SREBF2: variants seen among roughly 807,000 people sequenced by gnomAD.
SREBF2 encodes the protein sterol regulatory element binding transcription factor 2.
A neutral mutation model predicts 113.1 loss-of-function variants in SREBF2; 55 were observed. The observed-to-expected ratio is 0.49, with a 90% confidence interval of 0.39 to 0.61. SREBF2 has a LOEUF of 0.61. Ranked by LOEUF, SREBF2 falls within the 20% of genes least tolerant of loss-of-function variation. SREBF2 has a pLI of 0.00. For missense variants in SREBF2, 1,349 were observed against 1,487.4 expected (o/e 0.91, Z 1.53); for synonymous variants, 593 against 605.7 (o/e 0.98, Z 0.31).
chr22:41,870,906 G>T lies in SREBF2; in HGVS notation c.738G>T (p.Gln246His). 6.2e-7 allele frequency: 1 copy of T among 1,614,124 alleles called. No individual in the cohort carries two copies. Among genetic ancestry groups the T allele is most frequent in the African/African-American group, 1.3e-5 (1 of 75,010 alleles). ...TCATCCAGGTCCTGGTCCAGCCTCA[G>T]ATCATCAAGACAGATTCCCTTGTTT... is the stretch of plus-strand genomic sequence containing the variant. ...VQQVPVLVQPQIIKTDSLVLT... is the reference protein window; with the variant it reads ...VQQVPVLVQPHIIKTDSLVLT... The change falls in exon 4 of 19, where the codon CAG (glutamine) becomes CAT (histidine). Residue 246 changes from glutamine (Q) to histidine (H), a missense_variant. By Grantham distance (24) the Gln-to-His change is conservative (BLOSUM62 0). This residue lies in a region of SREBF2 where 699 missense variants were observed against 843.3 expected (regional missense o/e 0.83). Coordinates refer to ENST00000361204, the MANE Select transcript of SREBF2 (RefSeq NM_004599.4).
chr22:41,867,409 G>A, intron 2 of SREBF2, 129 bp downstream of exon 2: 1 of 1,034,628 alleles, frequency 9.7e-7, no homozygotes, highest in Non-Finnish European at 1.5e-6. Flanking sequence ...TCTGAATGAG[G>A]TTCTGGTAAC....
chr22:41,863,092 G>A (rs1014392089), intron 1 of SREBF2, among the ~76,000 whole-genome samples: 3 of 152,000 alleles, frequency 2.0e-5, no homozygotes, highest in Non-Finnish European at 4.4e-5. Flanking sequence ...TGGAAGTACC[G>A]CCAACATTGA....
At chr22:41,877,206 A>C in intron 7 of SREBF2, 23 bp from the exon 8 acceptor site, 1 of 1,613,710 alleles carries the variant, frequency 6.2e-7, no homozygotes, top group Non-Finnish European at 8.5e-7. Flanking sequence ...TATTTATTCC[A>C]ACCTCGAGGC....
intron 11 of SREBF2, 93 bp from the exon 12 acceptor site, chr22:41,893,024 C>T: frequency 1.4e-6 from 2 of 1,480,964 alleles, no homozygotes; most frequent in South Asian, 1.1e-5. Flanking sequence ...TCCCCCAAAG[C>T]CCACCTCCAC....
chr22:41,882,429 G>A (rs1393624494), intron 10 of SREBF2, among the ~76,000 whole-genome samples: 1 of 152,190 alleles, frequency 6.6e-6, no homozygotes, highest in Non-Finnish European at 1.5e-5. Context: ...AAGACTACAG[G>A]TGAGAGTGAA....
intron 7 of SREBF2, 46 bp downstream of exon 7, chr22:41,875,770 C>G: frequency 6.2e-7 from 1 of 1,606,566 alleles, no homozygotes; most frequent in Non-Finnish European, 8.5e-7. Flanking sequence ...TTTCCCATTT[C>G]CCCTAAGAAG....
rs2077502687 is a variant in SREBF2, at chr22:41,905,706, T to C, written c.*46T>C. 1 of 1,526,098 alleles carries C rather than the reference T, an allele frequency of 6.6e-7. No homozygotes were observed. The highest frequency in any genetic ancestry group is 8.9e-7 in the Non-Finnish European group (1 of 1,124,708). 94.5% of individuals were successfully genotyped at this position (1,526,098 alleles called of 1,614,324 possible). A position where few individuals can be genotyped will look rare whatever the true frequency, so the allele number is the denominator to read the frequency against. On this transcript the variant is annotated 3_prime_UTR_variant, in exon 19 of 19. Transcript: ENST00000361204. ...CTCCACCTCTCTCTCGATTTCTCTC[T>C]CTCCCCCTCAGCATCTTCCCGCTGA...
intron 1 of SREBF2, among the ~76,000 whole-genome samples, chr22:41,860,644 C>T (rs1267392755): frequency 6.6e-6 from 1 of 152,046 alleles, no homozygotes; most frequent in African/African-American, 2.4e-5. Context: ...TTTGGGAGGC[C>T]AAGTCAAGAG....
intron 18 of SREBF2, 112 bp downstream of exon 18, chr22:41,905,086 T>A (rs2077495462): frequency 9.8e-7 from 1 of 1,022,258 alleles, no homozygotes; most frequent in Non-Finnish European, 1.4e-6. Context: ...CCAGCACACC[T>A]CTCGCCTCTC....
At chr22:41,893,074 T>C (rs756923053) in intron 11 of SREBF2, 43 bp from the exon 12 acceptor site, 1 of 1,609,496 alleles carries the variant, frequency 6.2e-7, no homozygotes, top group Non-Finnish European at 8.5e-7. Context: ...GCAGCCAGCA[T>C]TCTGCCACCT....
At chr22:41,899,827 C>A (rs893392815) in intron 15 of SREBF2, among the ~76,000 whole-genome samples, 4 of 152,172 alleles carry the variant, frequency 2.6e-5, no homozygotes, top group Non-Finnish European at 4.4e-5. Context: ...GATTCACTTA[C>A]CCCTGGGTCC....
intron 11 of SREBF2, among the ~76,000 whole-genome samples, chr22:41,889,947 G>A (rs76943365): frequency 2.0e-5 from 3 of 152,108 alleles, no homozygotes; most frequent in East Asian, 1.9e-4. Context: ...GCCGTGAGCC[G>A]AGATTGTGCC....
At chr22:41,859,395 A>G (rs1452192494) in intron 1 of SREBF2, among the ~76,000 whole-genome samples, 1 of 152,184 alleles carries the variant, frequency 6.6e-6, no homozygotes, top group Non-Finnish European at 1.5e-5. Flanking sequence ...TGAAGCTGGT[A>G]GATGTTTAAG....
chr22:41,845,317 T>C (rs1352792414), intron 1 of SREBF2, among the ~76,000 whole-genome samples: 9 of 152,196 alleles, frequency 5.9e-5, no homozygotes, highest in Admixed American at 5.2e-4. Context: ...CTTCCTATGC[T>C]GATGACGGGG....
At chr22:41,835,535 C>G (rs1429908610) in intron 1 of SREBF2, among the ~76,000 whole-genome samples, 1 of 152,144 alleles carries the variant, frequency 6.6e-6, no homozygotes, top group African/African-American at 2.4e-5. Flanking sequence ...GTCTCCAACT[C>G]CCAACCTCAG....
chr22:41,904,593 G>A (rs1045975646), intron 17 of SREBF2: 11 of 639,252 alleles, frequency 1.7e-5, no homozygotes, highest in South Asian at 7.6e-5. Flanking sequence ...CCCACGAGGT[G>A]CGTCCAGGGC....
At chr22:41,842,686 C>T (rs1204506763) in intron 1 of SREBF2, among the ~76,000 whole-genome samples, 1 of 152,104 alleles carries the variant, frequency 6.6e-6, no homozygotes, top group East Asian at 1.9e-4. Context: ...CGCAAGAATC[C>T]AGTTAGGTAA....
intron 1 of SREBF2, among the ~76,000 whole-genome samples, chr22:41,854,149 G>A (rs1337481472): frequency 6.6e-6 from 1 of 151,396 alleles, no homozygotes. Context: ...GTTGTTTTGT[G>A]TTTTGTGTTT....
At chr22:41,867,362 C>T (rs1033134809) in intron 2 of SREBF2, 82 bp downstream of exon 2, 16 of 1,476,664 alleles carry the variant, frequency 1.1e-5, no homozygotes, top group Middle Eastern at 1.7e-4. Context: ...ATATTTCTGT[C>T]GTCTTCAGGA....
Sources: allele counts gnomAD v4.1 joint callset (sites outside exome capture counted in the v4.1 genomes callset), GRCh38; gene constraint gnomAD v4.1.1; regional missense constraint gnomAD v4.1.1; transcripts MANE v1.5; gene names NCBI Gene and HGNC (gene_info 2026-07-23, HGNC 2026-07-21).